RBPJ: variants seen among roughly 807,000 people sequenced by gnomAD.
The protein encoded by RBPJ is recombining binding protein suppressor of hairless.
RBPJ carries 9 observed loss-of-function variants against 67.8 expected under a neutral mutation model. The ratio of observed to expected loss-of-function variants is 0.13; its 90% CI spans 0.08 to 0.23. The LOEUF (loss-of-function observed/expected upper bound fraction) is 0.23. Among genes scored for constraint, RBPJ ranks in the 10% least tolerant of loss-of-function variants. The probability of loss-of-function intolerance (pLI) is 1.00; values close to 1 mark genes in which losing one functional copy is unlikely to be tolerated. For synonymous variants in RBPJ, 198 were observed against 203.3 expected (o/e 0.97, Z 0.22); for missense variants, 305 against 595.6 (o/e 0.51, Z 5.08).
intron 1 of RBPJ, among the ~76,000 whole-genome samples, chr4:26,288,448 A>G (rs1721553106): frequency 6.6e-6 from 1 of 152,178 alleles, no homozygotes; most frequent in Non-Finnish European, 1.5e-5. Context: ...GCAATGAGTG[A>G]TCTAAGAGCA....
At chr4:26,205,565 C>T (rs865790796) in intron 1 of RBPJ, among the ~76,000 whole-genome samples, 1 of 152,100 alleles carries the variant, frequency 6.6e-6, no homozygotes, top group Non-Finnish European at 1.5e-5. Flanking sequence ...GCCTGGGCAA[C>T]ATAGAGAGAC....
chr4:26,372,627 C>T (rs550321152), intron 1 of RBPJ, among the ~76,000 whole-genome samples: 4 of 152,086 alleles, frequency 2.6e-5, no homozygotes, highest in Non-Finnish European at 5.9e-5. Context: ...GCATTGCCAC[C>T]CCGACTCACT....
In RBPJ at chr4:26,341,430, A is replaced by G. The variant is rs537480187; in HGVS notation, c.20+20382A>G. 1.5e-3 allele frequency among the ~76,000 whole-genome samples: 232 copies of G among 152,284 alleles called. 1 individual carries two copies. Among genetic ancestry groups the G allele is most frequent in the African/African-American group, 5.4e-3 (224 of 41,556 alleles). On this transcript the variant is annotated intron_variant, in intron 1 of 10. Coordinates refer to ENST00000355476, the MANE Select transcript of RBPJ (RefSeq NM_015874.6). ...AGGAGTTCGAGACCAGCCTGTCAAC[A>G]TAGTGAAACCCTGTCTCTACTAAAA...
At chr4:26,268,329 G>A (rs929439370) in intron 1 of RBPJ, among the ~76,000 whole-genome samples, 1 of 152,092 alleles carries the variant, frequency 6.6e-6, no homozygotes, top group African/African-American at 2.4e-5. Flanking sequence ...AAAGTAATCA[G>A]TATTGGAAAT....
chr4:26,422,782 TC>T (rs1735276591), intron 5 of RBPJ, among the ~76,000 whole-genome samples: 1 of 152,212 alleles, frequency 6.6e-6, no homozygotes, highest in Non-Finnish European at 1.5e-5. Flanking sequence ...ATCTTAACAT[TC>T]AACCAATCTT....
chr4:26,136,990 GA>G, the RBPJ span, among the ~76,000 whole-genome samples: 1 of 152,260 alleles, frequency 6.6e-6, no homozygotes, highest in East Asian at 1.9e-4. Flanking sequence ...CAAAATTGCG[GA>G]AATAAACAAG....
the RBPJ span, among the ~76,000 whole-genome samples, chr4:26,143,902 T>G: frequency 1.3e-5 from 2 of 152,090 alleles, no homozygotes; most frequent in East Asian, 3.9e-4. Flanking sequence ...CACTCCAGCC[T>G]GCGCATCAAA....
At chr4:26,133,246 C>T in the RBPJ span, among the ~76,000 whole-genome samples, 3 of 152,208 alleles carry the variant, frequency 2.0e-5, no homozygotes, top group South Asian at 2.1e-4. Context: ...TTTGGGAATT[C>T]GTTGTGTTTC....
intron 1 of RBPJ, among the ~76,000 whole-genome samples, chr4:26,304,815 G>T (rs1722183211): frequency 1.4e-5 from 2 of 146,316 alleles, no homozygotes; most frequent in Non-Finnish European, 1.5e-5. Flanking sequence ...TTTCTTGATA[G>T]TGTCCTTTGA....
At chr4:26,364,368 T>C (rs374149423) in intron 1 of RBPJ, among the ~76,000 whole-genome samples, 57 of 152,376 alleles carry the variant, frequency 3.7e-4, no homozygotes, top group African/African-American at 1.3e-3. Flanking sequence ...AGGAATTTTA[T>C]GTCTGATGGG....
At chr4:26,207,465 C>T (rs1004550199) in intron 1 of RBPJ, among the ~76,000 whole-genome samples, 1 of 152,102 alleles carries the variant, frequency 6.6e-6, no homozygotes, top group Admixed American at 6.6e-5. Flanking sequence ...ATGGATGGAT[C>T]GATTGTTCAT....
intron 1 of RBPJ, among the ~76,000 whole-genome samples, chr4:26,291,292 AC>A (rs1721658840): frequency 6.6e-6 from 1 of 150,986 alleles, no homozygotes; most frequent in Admixed American, 6.6e-5. Context: ...GTTCAGTATA[AC>A]TTTTTGCATC....
intron 2 of RBPJ, among the ~76,000 whole-genome samples, chr4:26,398,137 A>G (rs942653602): frequency 6.6e-6 from 1 of 152,112 alleles, no homozygotes; most frequent in African/African-American, 2.4e-5. Flanking sequence ...AAGTTTCTTC[A>G]TTAGAAGACA....
At chr4:26,197,913 A>T (rs939757447) in intron 1 of RBPJ, among the ~76,000 whole-genome samples, 1 of 152,208 alleles carries the variant, frequency 6.6e-6, no homozygotes, top group Non-Finnish European at 1.5e-5. Context: ...GGTTCTGACT[A>T]TATCGGCCAC....
At chr4:26,162,240 G>T (rs1224295979), upstream of RBPJ, among the ~76,000 whole-genome samples, 2 of 152,186 alleles carry the variant, frequency 1.3e-5, no homozygotes, top group Admixed American at 1.3e-4. Context: ...GGTCACAGAG[G>T]CCTAGGACAG....
intron 1 of RBPJ, among the ~76,000 whole-genome samples, chr4:26,223,154 CAAAAA>C (rs549173084): frequency 1.0e-5 from 1 of 99,696 alleles, no homozygotes; most frequent in African/African-American, 3.4e-5. Context: ...GACACTGTCT[CAAAAA>C]AAAAAAAAAA....
intron 1 of RBPJ, among the ~76,000 whole-genome samples, chr4:26,344,227 A>G (rs187471907): frequency 1.3e-5 from 2 of 151,782 alleles, no homozygotes; most frequent in Admixed American, 6.6e-5. Context: ...AGCTAACTAT[A>G]ATTATTTTTT....
chr4:26,191,232 GAGAGAGAGAT>G (rs1466900895), intron 1 of RBPJ, among the ~76,000 whole-genome samples: 60 of 120,662 alleles, frequency 5.0e-4, no homozygotes, highest in Admixed American at 1.6e-3. Context: ...GAGAGAGAGA[GAGAGAGAGAT>G]AGAGAGAGAG....
chr4:26,198,459 A>G (rs2109150532), intron 1 of RBPJ, among the ~76,000 whole-genome samples: 1 of 152,266 alleles, frequency 6.6e-6, no homozygotes, highest in Middle Eastern at 3.4e-3. Flanking sequence ...TATAGGTAGC[A>G]CTTATTTTAT....
Sources: allele counts gnomAD v4.1 joint callset (sites outside exome capture counted in the v4.1 genomes callset), GRCh38; gene constraint gnomAD v4.1.1; transcripts MANE v1.5; gene names NCBI Gene and HGNC (gene_info 2026-07-23, HGNC 2026-07-21).